QKI: variants seen among roughly 807,000 people sequenced by gnomAD.
QKI encodes the protein QKI, KH domain containing RNA binding, also known as KH domain-containing RNA-binding protein QKI.
A neutral mutation model predicts 39.0 loss-of-function variants in QKI; 10 were observed. The observed-to-expected ratio is 0.26, with a 90% confidence interval of 0.16 to 0.43. The LOEUF (loss-of-function observed/expected upper bound fraction) is 0.43, where lower values mean the gene tolerates loss of function less well. QKI is among the 20% of genes least tolerant of loss of function. The pLI is 1.00. For missense variants in QKI, 218 were observed against 428.0 expected, an observed-to-expected ratio of 0.51 and a Z score of 4.33; for synonymous variants, 204 against 155.4, an observed-to-expected ratio of 1.31 and a Z score of -2.33.
chr6:163,435,479 C>T (rs962834857), intron 1 of QKI, among the ~76,000 whole-genome samples: 1 of 152,138 alleles, frequency 6.6e-6, no homozygotes, highest in Admixed American at 6.5e-5. Context: ...TTTATCCACC[C>T]ATTTTGACAT....
intron 4 of QKI, among the ~76,000 whole-genome samples, chr6:163,542,528 C>T (rs1455788470): frequency 1.3e-5 from 2 of 151,990 alleles, no homozygotes; most frequent in Non-Finnish European, 2.9e-5. Context: ...AGATAGAGTA[C>T]TAAGCTTGAA....
At chr6:163,440,765 A>C (rs111621981) in intron 1 of QKI, among the ~76,000 whole-genome samples, 14 of 152,326 alleles carry the variant, frequency 9.2e-5, no homozygotes, top group Admixed American at 5.9e-4. Flanking sequence ...GCACATGACT[A>C]TATTCCTAGG....
chr6:163,570,519 AT>A (rs1400705703), intron 7 of QKI, 174 bp from the exon 8 acceptor site: 1 of 982,862 alleles, frequency 1.0e-6, no homozygotes, highest in Non-Finnish European at 1.2e-6. Context: ...CATGATTTTA[AT>A]TGTATTCTGT....
chr6:163,452,179 GTGT>G (rs1181127239), intron 1 of QKI, among the ~76,000 whole-genome samples: 3 of 152,158 alleles, frequency 2.0e-5, no homozygotes, highest in African/African-American at 7.2e-5. Context: ...TCTGACTCGA[GTGT>G]TCTGAATAAC....
At chr6:163,555,008 G>A (rs1262183679) in intron 4 of QKI, among the ~76,000 whole-genome samples, 8 of 152,216 alleles carry the variant, frequency 5.3e-5, no homozygotes, top group Non-Finnish European at 1.2e-4. Context: ...CAAAGCTGTC[G>A]GAGCAGATCA....
chr6:163,502,184 A>G (rs1042340662), intron 3 of QKI, among the ~76,000 whole-genome samples: 44 of 151,998 alleles, frequency 2.9e-4, no homozygotes, highest in Non-Finnish European at 1.2e-4. Flanking sequence ...CTAGCCAGAC[A>G]TGGTGGCCTG....
intron 3 of QKI, among the ~76,000 whole-genome samples, chr6:163,533,242 CCA>C (rs1048450382): frequency 3.9e-5 from 6 of 151,994 alleles, no homozygotes; most frequent in African/African-American, 1.5e-4. Flanking sequence ...ATTTTTCTTG[CCA>C]CAGTTAGAGA....
intron 1 of QKI, among the ~76,000 whole-genome samples, chr6:163,442,213 TTTG>T (rs1789813936): frequency 6.6e-6 from 1 of 152,200 alleles, no homozygotes; most frequent in South Asian, 2.1e-4. Context: ...TTTTCAGTAA[TTTG>T]TTTAGTTGGA....
At chr6:163,469,417 A>G (rs1399727607) in intron 2 of QKI, among the ~76,000 whole-genome samples, 1 of 152,204 alleles carries the variant, frequency 6.6e-6, no homozygotes, top group Non-Finnish European at 1.5e-5. Context: ...TATAATGTGT[A>G]TCTAGTTAGT....
chr6:163,570,190 A>C (rs1783617522), intron 7 of QKI: 3 of 985,006 alleles, frequency 3.0e-6, no homozygotes, highest in Non-Finnish European at 2.4e-6. Context: ...GGTTCATAGA[A>C]TTTTGAATTT....
intron 3 of QKI, among the ~76,000 whole-genome samples, chr6:163,517,128 C>A (rs1779879879): frequency 6.9e-6 from 1 of 144,858 alleles, no homozygotes; most frequent in Admixed American, 6.7e-5. Context: ...TCTCTGTCTC[C>A]CTTATTATGA....
intron 4 of QKI, among the ~76,000 whole-genome samples, chr6:163,543,196 T>C (rs1781653249): frequency 6.6e-6 from 1 of 152,096 alleles, no homozygotes; most frequent in Non-Finnish European, 1.5e-5. Flanking sequence ...GAGTTGATGG[T>C]ACTGCATTTA....
At chr6:163,436,561 C>T (rs1019428000) in intron 1 of QKI, among the ~76,000 whole-genome samples, 21 of 152,002 alleles carry the variant, frequency 1.4e-4, no homozygotes, top group Non-Finnish European at 2.6e-4. Flanking sequence ...CACCTGTAAT[C>T]CCAGCACTTT....
At chr6:163,564,566 CACTT>C (rs754890652) in intron 6 of QKI, 12 of 1,591,798 alleles carry the variant, frequency 7.5e-6, no homozygotes, top group African/African-American at 4.0e-5. Flanking sequence ...TTCAGAATCT[CACTT>C]AAGGCAGAAA....
intron 3 of QKI, among the ~76,000 whole-genome samples, chr6:163,514,133 C>G (rs1450654498): frequency 1.3e-5 from 2 of 152,142 alleles, no homozygotes; most frequent in Non-Finnish European, 2.9e-5. Context: ...CTGCTCAGAG[C>G]TCACCCAACA....
At chr6:163,416,735 G>A (rs373029385) in intron 1 of QKI, among the ~76,000 whole-genome samples, 38 of 152,232 alleles carry the variant, frequency 2.5e-4, no homozygotes, top group Non-Finnish European at 4.7e-4. Flanking sequence ...TTTTGCTTCC[G>A]TATGTTAAAC....
intron 3 of QKI, among the ~76,000 whole-genome samples, chr6:163,493,606 C>A (rs960480803): frequency 6.6e-6 from 1 of 152,102 alleles, no homozygotes; most frequent in Admixed American, 6.5e-5. Context: ...GTAATTCCAG[C>A]ACTATAGGTG....
intron 4 of QKI, among the ~76,000 whole-genome samples, chr6:163,540,574 C>T (rs1037156250): frequency 1.3e-5 from 2 of 152,054 alleles, no homozygotes; most frequent in South Asian, 2.1e-4. Flanking sequence ...ATTATAAGGG[C>T]AATTATACTT....
chr6:163,415,919 A>G (rs1251012116), intron 1 of QKI: 3 of 513,616 alleles, frequency 5.8e-6, no homozygotes, highest in African/African-American at 1.9e-5. Context: ...TCGTTAGTTT[A>G]AAGAAATTCC....
Sources: gnomAD v4.1 joint callset for allele counts (sites outside exome capture counted in the v4.1 genomes callset) on GRCh38, gnomAD v4.1.1 for gene constraint, MANE v1.5 for transcripts, NCBI Gene and HGNC (gene_info 2026-07-23, HGNC 2026-07-21) for gene names.